Variants in MSH3 observed in about 807,000 individuals in gnomAD.
MSH3 encodes mutS homolog 3.
In MSH3, 106 loss-of-function variants were observed where a neutral mutation model predicts 123.3. The observed-to-expected ratio is 0.86, with a 90% confidence interval of 0.73 to 1.01. The LOEUF (loss-of-function observed/expected upper bound fraction) is 1.01. Among genes scored for constraint, MSH3 ranks in the 50% least tolerant of loss-of-function variants. The pLI is 0.00. For missense variants in MSH3, 1,459 were observed against 1,347.6 expected (o/e 1.08, Z -1.29); for synonymous variants, 515 against 481.4 (o/e 1.07, Z -0.91).
chr5:80,865,003 T>C, intron 22 of MSH3, 61 bp downstream of exon 22: 1 of 1,508,270 alleles, frequency 6.6e-7, no homozygotes, highest in Non-Finnish European at 9.2e-7. Flanking sequence ...ACTCAAAGTT[T>C]GTTGGAACAT....
chr5:80,720,368 C>T (rs191174251), intron 8 of MSH3, among the ~76,000 whole-genome samples: 8 of 152,232 alleles, frequency 5.3e-5, no homozygotes, highest in African/African-American at 1.9e-4. Flanking sequence ...ACCTTTTATA[C>T]ACGTTTTAGG....
intron 3 of MSH3, among the ~76,000 whole-genome samples, chr5:80,665,957 A>C (rs1216083914): frequency 6.6e-6 from 1 of 152,214 alleles, no homozygotes; most frequent in African/African-American, 2.4e-5. Context: ...TCACCTGGAG[A>C]ACTTCAAACA....
chr5:80,698,975 T>C (rs1035587152), intron 8 of MSH3, among the ~76,000 whole-genome samples: 2 of 151,206 alleles, frequency 1.3e-5, no homozygotes, highest in South Asian at 2.1e-4. Flanking sequence ...AAATAAAAAA[T>C]AAAAAGAGAA....
intron 11 of MSH3, among the ~76,000 whole-genome samples, chr5:80,742,482 G>A (rs1197063539): frequency 6.6e-6 from 1 of 152,132 alleles, no homozygotes; most frequent in Non-Finnish European, 1.5e-5. Context: ...GCAACCCCAC[G>A]TCATTTGATT....
At chr5:80,762,755 GTTTTATTTTA>G (rs1164337835) in intron 13 of MSH3, among the ~76,000 whole-genome samples, 85 of 129,528 alleles carry the variant, frequency 6.6e-4, no homozygotes, top group African/African-American at 2.5e-3. Context: ...GTTTTATTTT[GTTTTATTTTA>G]TTTTATTTTA....
At chr5:80,856,115 G>T (rs1032772255) in intron 21 of MSH3, among the ~76,000 whole-genome samples, 5 of 151,868 alleles carry the variant, frequency 3.3e-5, no homozygotes, top group African/African-American at 1.2e-4. Context: ...GAACTTTCAG[G>T]CTCCAGTGAT....
At chr5:80,800,691 G>C (rs903370000) in intron 19 of MSH3, among the ~76,000 whole-genome samples, 1 of 152,176 alleles carries the variant, frequency 6.6e-6, no homozygotes, top group Non-Finnish European at 1.5e-5. Flanking sequence ...AATCTCTGCT[G>C]TAATGCCTTT....
At chr5:80,776,928 ATTTTTT>A (rs551087715) in intron 16 of MSH3, among the ~76,000 whole-genome samples, 1 of 139,412 alleles carries the variant, frequency 7.2e-6, no homozygotes, top group African/African-American at 2.7e-5. Flanking sequence ...ATATATATAT[ATTTTTT>A]TTTTTTCTTT....
intron 20 of MSH3, among the ~76,000 whole-genome samples, chr5:80,829,532 T>G (rs1745383185): frequency 6.6e-6 from 1 of 152,218 alleles, no homozygotes; most frequent in South Asian, 2.1e-4. Context: ...ATGTGATGGA[T>G]TATGTTAACT....
intron 8 of MSH3, among the ~76,000 whole-genome samples, chr5:80,700,541 G>T (rs1750583590): frequency 6.6e-6 from 1 of 151,880 alleles, no homozygotes; most frequent in Non-Finnish European, 1.5e-5. Flanking sequence ...TTCCCTGGTG[G>T]TAATGCCATT....
At chr5:80,743,220 T>G (rs1224117911) in intron 11 of MSH3, among the ~76,000 whole-genome samples, 1 of 152,046 alleles carries the variant, frequency 6.6e-6, no homozygotes, top group Non-Finnish European at 1.5e-5. Context: ...CACGGGACCC[T>G]TTACCCCAGT....
At chr5:80,734,432 G>T (rs990746238) in intron 10 of MSH3, among the ~76,000 whole-genome samples, 1 of 152,096 alleles carries the variant, frequency 6.6e-6, no homozygotes, top group African/African-American at 2.4e-5. Context: ...ACTCCAAGTG[G>T]GTGAATTGCA....
At chr5:80,659,708 C>G (rs940130373) in intron 2 of MSH3, among the ~76,000 whole-genome samples, 3 of 152,010 alleles carry the variant, frequency 2.0e-5, no homozygotes, top group African/African-American at 7.3e-5. Flanking sequence ...TTGTTATGCA[C>G]CCACCACCAC....
intron 20 of MSH3, among the ~76,000 whole-genome samples, chr5:80,837,602 G>T (rs1333009227): frequency 6.6e-6 from 1 of 152,088 alleles, no homozygotes; most frequent in Non-Finnish European, 1.5e-5. Flanking sequence ...AAATGCTGGG[G>T]ACTGGATATT....
chr5:80,753,201 A>G (rs1352520781), intron 12 of MSH3, among the ~76,000 whole-genome samples: 2 of 152,300 alleles, frequency 1.3e-5, no homozygotes, highest in Non-Finnish European at 2.9e-5. Flanking sequence ...ACTTGAGAGC[A>G]TCTGTTTTCC....
chr5:80,678,315 A>G (rs1046237978), intron 7 of MSH3, among the ~76,000 whole-genome samples: 19 of 152,240 alleles, frequency 1.2e-4, no homozygotes, highest in Admixed American at 1.1e-3. Context: ...TATCTTTGCT[A>G]TTATTGGCTT....
intron 20 of MSH3, among the ~76,000 whole-genome samples, chr5:80,820,241 T>C (rs6151887): frequency 1.1e-4 from 16 of 152,310 alleles, no homozygotes; most frequent in African/African-American, 3.8e-4. Flanking sequence ...CAAAGCTAAA[T>C]TTGTTCAGTT....
In MSH3 at chr5:80,654,837, C is replaced by T. The variant is rs759573423; in HGVS notation, c.110C>T (p.Thr37Ile). The T allele has an allele frequency of 6.2e-7, 1 of 1,606,590 alleles. No individual in the cohort carries two copies. Among genetic ancestry groups the T allele is most frequent in the Non-Finnish European group, 8.5e-7 (1 of 1,177,122 alleles). Residue 37 changes from threonine (T) to isoleucine (I), a missense_variant, in exon 1 of 24, where the codon ACC (threonine) becomes ATC (isoleucine). Physicochemically the swap from Thr to Ile is moderately conservative, Grantham distance 89. Coordinates refer to ENST00000265081, the MANE Select transcript of MSH3 (RefSeq NM_002439.5). ...CAGTCTACGGGAAGCCTGAAATCCA[C>T]CTCCTCCTCCACAGGTGCAGCCGAC... ...FFQSTGSLKS[T>I]SSSTGAADQV...
At chr5:80,667,698 G>A (rs758684984) in intron 3 of MSH3, among the ~76,000 whole-genome samples, 6 of 152,190 alleles carry the variant, frequency 3.9e-5, no homozygotes, top group African/African-American at 7.2e-5. Context: ...TGGACCAGGC[G>A]TACCACAAAC....
Sources: allele counts gnomAD v4.1 joint callset (sites outside exome capture counted in the v4.1 genomes callset), GRCh38; gene constraint gnomAD v4.1.1; transcripts MANE v1.5; gene names NCBI Gene and HGNC (gene_info 2026-07-23, HGNC 2026-07-21).